CSMD1: variants seen among roughly 807,000 people sequenced by gnomAD.
CSMD1 encodes the protein CUB and sushi domain-containing protein 1.
CSMD1 carries 213 observed loss-of-function variants against 417.5 expected under a neutral mutation model. That is an observed-to-expected ratio of 0.51 (90% CI 0.46 to 0.57). The LOEUF is 0.57. Among genes scored for constraint, CSMD1 ranks in the 20% least tolerant of loss-of-function variants. CSMD1 has a pLI of 0.00. For missense variants in CSMD1, 6,923 were observed against 4,529.7 expected, an observed-to-expected ratio of 1.53 and a Z score of -15.17; for synonymous variants, 2,862 against 1,736.8, an observed-to-expected ratio of 1.65 and a Z score of -16.11.
At chr8:3,690,233 C>A (rs1006745732) in intron 7 of CSMD1, among the ~76,000 whole-genome samples, 1 of 152,090 alleles carries the variant, frequency 6.6e-6, no homozygotes, top group South Asian at 2.1e-4. Context: ...GTGGTGTGCA[C>A]CTGTAATCCC....
intron 3 of CSMD1, among the ~76,000 whole-genome samples, chr8:4,186,274 C>A (rs1184624118): frequency 6.6e-6 from 1 of 152,092 alleles, no homozygotes. Flanking sequence ...TGTAAAATTA[C>A]AAGAGAAGGA....
intron 20 of CSMD1, 86 bp from the exon 21 acceptor site, chr8:3,359,426 TAAAAAAAA>T: frequency 1.9e-6 from 1 of 515,156 alleles, no homozygotes; most frequent in Non-Finnish European, 3.0e-6. Flanking sequence ...GTGCTATTAC[TAAAAAAAA>T]AAAAAAAAAC....
At chr8:4,593,610 T>C (rs1800102311) in intron 2 of CSMD1, among the ~76,000 whole-genome samples, 1 of 152,078 alleles carries the variant, frequency 6.6e-6, no homozygotes, top group Non-Finnish European at 1.5e-5. Context: ...ATGACAGAAA[T>C]ATTTTTATGA....
At chr8:3,323,987 AATAG>A (rs1418566740) in intron 23 of CSMD1, among the ~76,000 whole-genome samples, 2 of 146,770 alleles carry the variant, frequency 1.4e-5, no homozygotes, top group Non-Finnish European at 3.0e-5. Flanking sequence ...TCATTGTTAA[AATAG>A]ACACACATCT....
chr8:3,443,226 A>C (rs1290479999), intron 12 of CSMD1, among the ~76,000 whole-genome samples: 1 of 152,194 alleles, frequency 6.6e-6, no homozygotes, highest in Non-Finnish European at 1.5e-5. Context: ...ACTATTTCTT[A>C]TAGCAAAGAA....
chr8:4,254,215 C>A (rs992224117), intron 3 of CSMD1, among the ~76,000 whole-genome samples: 11 of 152,106 alleles, frequency 7.2e-5, no homozygotes, highest in African/African-American at 2.7e-4. Context: ...CCACGCCAAG[C>A]CTTTCCTTTT....
At chr8:3,307,890 C>T in intron 24 of CSMD1, 69 bp from the exon 25 acceptor site, 6 of 1,549,826 alleles carry the variant, frequency 3.9e-6, no homozygotes, top group Non-Finnish European at 5.2e-6. Flanking sequence ...AGCTACTTTT[C>T]AAAACCAAAG....
At chr8:4,851,500 C>A (rs759843142) in intron 1 of CSMD1, among the ~76,000 whole-genome samples, 11 of 152,004 alleles carry the variant, frequency 7.2e-5, no homozygotes, top group Middle Eastern at 3.4e-3. Flanking sequence ...TCATCCATGG[C>A]GCTTCTCACT....
intron 3 of CSMD1, among the ~76,000 whole-genome samples, chr8:4,143,743 G>C (rs1435308530): frequency 6.6e-6 from 1 of 151,144 alleles, no homozygotes; most frequent in African/African-American, 2.5e-5. Context: ...GCTGTGAAAG[G>C]GGGGATTTAT....
At chr8:4,368,976 A>AT (rs1802249318) in intron 3 of CSMD1, among the ~76,000 whole-genome samples, 1 of 151,548 alleles carries the variant, frequency 6.6e-6, no homozygotes, top group African/African-American at 2.4e-5. Context: ...GATTTTGGTT[A>AT]TTTTCTGCTA....
chr8:3,058,464 T>G (rs1812380342), intron 49 of CSMD1, among the ~76,000 whole-genome samples: 1 of 152,186 alleles, frequency 6.6e-6, no homozygotes, highest in Admixed American at 6.5e-5. Flanking sequence ...ACTAGTTAAT[T>G]TTTCAATAAA....
intron 5 of CSMD1, among the ~76,000 whole-genome samples, chr8:3,780,490 G>C (rs73498893): frequency 0.031 from 4,754 of 152,268 alleles, 256 homozygotes; most frequent in African/African-American, 0.1. Flanking sequence ...TCGAGTATCA[G>C]TAACCATTCC....
intron 7 of CSMD1, among the ~76,000 whole-genome samples, chr8:3,648,451 C>A (rs895648606): frequency 6.6e-6 from 1 of 152,298 alleles, no homozygotes; most frequent in African/African-American, 2.4e-5. Flanking sequence ...ACTGGAGTAC[C>A]TACATTTTCA....
intron 10 of CSMD1, among the ~76,000 whole-genome samples, chr8:3,557,602 C>G (rs1799213262): frequency 6.6e-6 from 1 of 152,178 alleles, no homozygotes; most frequent in Admixed American, 6.5e-5. Context: ...CCTCTCACTG[C>G]TTGAGGCTTT....
intron 10 of CSMD1, among the ~76,000 whole-genome samples, chr8:3,504,933 T>G (rs75449817): frequency 6.6e-6 from 1 of 151,546 alleles, no homozygotes; most frequent in African/African-American, 2.4e-5. Flanking sequence ...TGGGCAGAGA[T>G]AGAAAATGCT....
At chr8:4,152,357 G>A (rs763907137) in intron 3 of CSMD1, among the ~76,000 whole-genome samples, 16 of 152,074 alleles carry the variant, frequency 1.1e-4, no homozygotes, top group Non-Finnish European at 1.5e-4. Context: ...CACGTAAGCA[G>A]GAATGCTTAT....
intron 25 of CSMD1, 176 bp from the exon 26 acceptor site, chr8:3,284,522 G>C (rs973520410): frequency 3.3e-6 from 2 of 610,222 alleles, no homozygotes; most frequent in Non-Finnish European, 5.9e-6. Context: ...GATAATTCAG[G>C]AGTGTAAATT....
At chr8:4,167,114 T>C (rs941539723) in intron 3 of CSMD1, among the ~76,000 whole-genome samples, 2 of 152,190 alleles carry the variant, frequency 1.3e-5, no homozygotes, top group African/African-American at 4.8e-5. Context: ...CAACTTCCCA[T>C]ATAAACCCAA....
intron 37 of CSMD1, among the ~76,000 whole-genome samples, chr8:3,170,781 T>G (rs1563107175): frequency 6.6e-6 from 1 of 152,240 alleles, no homozygotes. Context: ...TAAAATGGAC[T>G]ATTGAAAACA....
Sources: gnomAD v4.1 joint callset for allele counts (sites outside exome capture counted in the v4.1 genomes callset) on GRCh38, gnomAD v4.1.1 for gene constraint, MANE v1.5 for transcripts, NCBI Gene and HGNC (gene_info 2026-07-23, HGNC 2026-07-21) for gene names.